Variants in ZNF154 observed in about 807,000 individuals in gnomAD.
ZNF154 encodes zinc finger protein 154 (pHZ-92).
In ZNF154, 6 loss-of-function variants were observed where a neutral mutation model predicts 7.5. The ratio of observed to expected loss-of-function variants is 0.80; its 90% CI spans 0.44 to 1.57. The LOEUF (loss-of-function observed/expected upper bound fraction) is 1.57. Ranked by LOEUF, ZNF154 falls within the 40% of genes most tolerant of loss-of-function variation. The pLI is 0.01. For synonymous variants in ZNF154, 187 were observed against 185.9 expected (o/e 1.01, Z -0.05); for missense variants, 485 against 531.4 (o/e 0.91, Z 0.86).
In ZNF154 at chr19:57,708,954, C is replaced by A; in HGVS notation, c.18G>T (p.Leu6=). The change falls in exon 1 of 3, where the codon CTG becomes CTT. Residue 6 remains leucine (L), a synonymous_variant. Coordinates refer to ENST00000684351, the MANE Select transcript of ZNF154 (RefSeq NM_001085384.3). MAAAT[L]RTPTQGTVTF... is the part of the protein sequence containing the mutation. ...CCGCACTCACCTGAGTTGGCGTCCT[C>A]AGAGTGGCCGCTGCCATCAGACTCT... The A allele has an allele frequency of 6.4e-7, 1 of 1,561,098 alleles. No individual in the cohort carries two copies. Among genetic ancestry groups the A allele is most frequent in the Non-Finnish European group, 8.7e-7 (1 of 1,153,192 alleles).
rs1405050776 is a variant in ZNF154 at position 57,708,936 on chromosome 19, C to CA, written c.33+2dup. The CA allele has an allele frequency of 6.4e-7, 1 of 1,561,078 alleles. No individual in the cohort carries two copies. Among genetic ancestry groups the CA allele is most frequent in the East Asian group, 2.4e-5 (1 of 41,478 alleles). On this transcript the variant is annotated splice_region_variant and intron_variant, in intron 1 of 2. Coordinates refer to ENST00000684351, the MANE Select transcript of ZNF154 (RefSeq NM_001085384.3). ...TGTGAGGACGGGAAGACGCCGCACT[C>CA]ACCTGAGTTGGCGTCCTCAGAGTGG...
Position 57,701,254 on chromosome 19 carries a change from G to C in ZNF154, c.*381C>G. 1 of 208,284 alleles carries C rather than the reference G, an allele frequency of 4.8e-6. No individual in the cohort carries two copies. Among genetic ancestry groups the C allele is most frequent in the Non-Finnish European group, 9.8e-6 (1 of 102,392 alleles). The allele number at this position is 208,284 out of a possible 1,614,324, so 12.9% of individuals were successfully genotyped here. Reference sequence around the variant, plus strand: ...TTCACTTACCTGAATACACTGGGATGGGTGAGTGGTGCACACTGGTGGTCA... The same window carrying C: ...TTCACTTACCTGAATACACTGGGATCGGTGAGTGGTGCACACTGGTGGTCA... On this transcript the variant is annotated 3_prime_UTR_variant, in exon 3 of 3. Coordinates refer to ENST00000684351, the MANE Select transcript of ZNF154 (RefSeq NM_001085384.3).
rs369139854 is a variant in ZNF154, at chr19:57,702,501, G to T, written c.448C>A (p.Gln150Lys). The T allele has an allele frequency of 6.2e-7, 1 of 1,614,220 alleles. No individual in the cohort carries two copies. The change falls in exon 3 of 3, where the codon CAG becomes AAG. Residue 150 changes from glutamine (Q) to lysine (K), a missense_variant. Coordinates refer to ENST00000684351, the MANE Select transcript of ZNF154 (RefSeq NM_001085384.3). ...TCTGTAGTGAGGGTTCTCTGCTGCT[G>T]AACAAGTGTGTGTTTACCGCTGAAT... Reference protein sequence around the residue: ...KAFSGKHTLVQQQRTLTTERC... With the variant: ...KAFSGKHTLVKQQRTLTTERC...
rs1985166583 is a variant in ZNF154 at position 57,701,949 on chromosome 19, A to AT, written c.999dup (p.Cys334MetfsTer6). On this transcript the variant is annotated frameshift_variant, in exon 3 of 3. Transcript: ENST00000684351. LOFTEE classifies it low-confidence loss of function (END_TRUNC). ...GACCTTTGGCTAAAGGATTTCCCACATTCGCTGCACTTATAAGGCCTTTCT... is the reference window on the plus strand; with the variant it reads ...GACCTTTGGCTAAAGGATTTCCCACATTTCGCTGCACTTATAAGGCCTTTCT... 6.2e-7 allele frequency: 1 copy of AT among 1,613,172 alleles called. No individual in the cohort carries two copies. The highest frequency in any genetic ancestry group is 1.7e-5 in the Admixed American group (1 of 59,896).
chr19:57,707,276 T>A (rs1170316810), intron 1 of ZNF154, among the ~76,000 whole-genome samples: 1 of 152,162 alleles, frequency 6.6e-6, no homozygotes, highest in Non-Finnish European at 1.5e-5. Context: ...CTACTTAATG[T>A]CTCTGAAACA....
At chr19:57,703,631 C>T (rs892243352) in intron 2 of ZNF154, among the ~76,000 whole-genome samples, 1 of 152,062 alleles carries the variant, frequency 6.6e-6, no homozygotes, top group Admixed American at 6.6e-5. Context: ...TATCTGCTGG[C>T]GACACATGAG....
In ZNF154 at chr19:57,700,354, C is replaced by G. The variant is rs1351265204; in HGVS notation, c.*1281G>C. 1 of 152,232 alleles carries G rather than the reference C, an allele frequency of 6.6e-6. No individual in the cohort carries two copies. Among genetic ancestry groups the G allele is most frequent in the African/African-American group, 2.4e-5 (1 of 41,458 alleles). The allele number at this position is 152,232 out of a possible 1,614,324, so 9.4% of individuals were successfully genotyped here. A position where few individuals can be genotyped will look rare whatever the true frequency, so the allele number is the denominator to read the frequency against. ...AAATTTCTGACAATGACCTCAGCTA[C>G]ACAAGATACACAATTCTGTAGGTCC... On this transcript the variant is annotated 3_prime_UTR_variant, in exon 3 of 3. Coordinates refer to ENST00000684351, the MANE Select transcript of ZNF154 (RefSeq NM_001085384.3).
At chr19:57,708,800 G>A in intron 1 of ZNF154, 139 bp downstream of exon 1, 1 of 1,157,546 alleles carries the variant, frequency 8.6e-7, no homozygotes, top group Non-Finnish European at 1.2e-6. Context: ...CACACGCAGT[G>A]TCAAAAAAAG....
Position 57,696,325 on chromosome 19 carries a change from T to C in ZNF154, c.*5310A>G, listed in dbSNP as rs572741918. Among the ~76,000 whole-genome samples, 13 of 152,220 alleles carry C rather than the reference T, an allele frequency of 8.5e-5. No homozygotes were observed. Among genetic ancestry groups the C allele is most frequent in the East Asian group, 1.9e-4 (1 of 5,162 alleles). ...TAAGAAGCCCCATTTCTCTTTCTCT[T>C]GTACCTTAAGACCTGCCTGGATCAG... is the stretch of plus-strand genomic sequence containing the variant. On this transcript the variant is annotated 3_prime_UTR_variant, in exon 3 of 3. Transcript: ENST00000684351.
At position 57,702,378 on chromosome 19, in the gene ZNF154, A is replaced by G; in HGVS notation, c.571T>C (p.Cys191Arg). ...CTAAAGGACTTCCCACACTCTCGACATTCATAAGGCTTTTCTCCAGTGTGA... is the reference window on the plus strand; with the variant it reads ...CTAAAGGACTTCCCACACTCTCGACGTTCATAAGGCTTTTCTCCAGTGTGA... ...RLHTGEKPYE[C>R]RECGKSFRQS... Residue 191 changes from cysteine (C) to arginine (R), a missense_variant, in exon 3 of 3, where the codon TGT becomes CGT. Physicochemically the swap from Cys to Arg is radical, Grantham distance 180. Coordinates refer to ENST00000684351, the MANE Select transcript of ZNF154 (RefSeq NM_001085384.3). 6.2e-7 allele frequency: 1 copy of G among 1,612,806 alleles called. No homozygotes were observed. The highest frequency in any genetic ancestry group is 8.5e-7 in the Non-Finnish European group (1 of 1,178,942).
Position 57,702,417 on chromosome 19 carries a change from C to G in ZNF154, c.532G>C (p.Asp178His). ...TCTCCAGTGTGAAGTCTCCAATGGT[C>G]ATTGAGACTGTAGCTTTTGCTAAAG... Reference protein sequence around the residue: ...KSFSKSYSLNDHWRLHTGEKP... With the variant: ...KSFSKSYSLNHHWRLHTGEKP... Residue 178 changes from aspartate (D) to histidine (H), a missense_variant, in exon 3 of 3, where the codon GAC (aspartate) becomes CAC (histidine). Asp to His is a moderately conservative substitution (Grantham distance 81). Coordinates refer to ENST00000684351, the MANE Select transcript of ZNF154 (RefSeq NM_001085384.3). 1 of 1,613,860 alleles carries G rather than the reference C, an allele frequency of 6.2e-7. No individual in the cohort carries two copies. The highest frequency in any genetic ancestry group is 8.5e-7 in the Non-Finnish European group (1 of 1,179,888).
At chr19:57,705,001 A>G in intron 1 of ZNF154, 22 bp from the exon 2 acceptor site, 1 of 1,594,326 alleles carries the variant, frequency 6.3e-7, no homozygotes, top group Non-Finnish European at 8.5e-7. Flanking sequence ...GGAACAGATG[A>G]AACCACCAAG....
chr19:57,705,044 C>G, intron 1 of ZNF154, 65 bp from the exon 2 acceptor site: 1 of 1,545,770 alleles, frequency 6.5e-7, no homozygotes, highest in African/African-American at 1.4e-5. Flanking sequence ...AATGCATACC[C>G]CCACATCTTT....
intron 2 of ZNF154, among the ~76,000 whole-genome samples, chr19:57,704,145 T>C (rs1985295572): frequency 6.6e-6 from 1 of 152,176 alleles, no homozygotes; most frequent in Non-Finnish European, 1.5e-5. Context: ...GGCTGGATGT[T>C]AAGAGCAGAA....
chr19:57,708,769 T>G (rs1035887021), intron 1 of ZNF154, among the ~76,000 whole-genome samples, 170 bp downstream of exon 1: 6 of 152,148 alleles, frequency 3.9e-5, no homozygotes, highest in Non-Finnish European at 7.3e-5. Flanking sequence ...CCTCCGCCTG[T>G]CACGCTCTCC....
chr19:57,701,732 AC>A lies in ZNF154; in HGVS notation c.1216del (p.Val406PhefsTer68), dbSNP rs868541565. On this transcript the variant is annotated frameshift_variant, in exon 3 of 3. Coordinates refer to ENST00000684351, the MANE Select transcript of ZNF154 (RefSeq NM_001085384.3). LOFTEE classifies it low-confidence loss of function (END_TRUNC). Reference sequence around the variant, plus strand: ...CTCATAAGGCTTCTCCCCAGTGTGAACCCTCCTGTGCTTAATGAGGCCGGAA... The same window carrying A: ...CTCATAAGGCTTCTCCCCAGTGTGAACCTCCTGTGCTTAATGAGGCCGGAA... ...QNSGLIKHRR[V>X]HTGEKPYECT... The A allele has an allele frequency of 1.2e-6, 2 of 1,613,856 alleles. No homozygotes were observed. The highest frequency in any genetic ancestry group is 1.7e-6 in the Non-Finnish European group (2 of 1,179,972).
chr19:57,709,035 C>T lies in ZNF154; in HGVS notation c.-64G>A, dbSNP rs895575621. 2 of 1,545,390 alleles carry T rather than the reference C, an allele frequency of 1.3e-6. No individual in the cohort carries two copies. The highest frequency in any genetic ancestry group is 2.0e-5 in the Admixed American group (1 of 50,984). ...GACATTGGTAGGGACCCGGGGACAG[C>T]GGTCCCTATCCCAGGCCTGACGTGG... On this transcript the variant is annotated 5_prime_UTR_variant, in exon 1 of 3. Transcript: ENST00000684351.
At chr19:57,703,484 CAAAAAAAAAAAAAAA>C (rs3062223) in intron 2 of ZNF154, among the ~76,000 whole-genome samples, 4 of 75,134 alleles carry the variant, frequency 5.3e-5, no homozygotes, top group South Asian at 5.9e-4. Flanking sequence ...GACTCCGTCT[CAAAAAAAAAAAAAAA>C]AAAAAAAAAG....
intron 1 of ZNF154, among the ~76,000 whole-genome samples, chr19:57,707,067 C>T (rs539038476): frequency 1.8e-4 from 27 of 146,900 alleles, no homozygotes; most frequent in South Asian, 1.7e-3. Flanking sequence ...GAGCCAAGCT[C>T]GCGCCATTGC....
Sources: gnomAD v4.1 joint callset for allele counts (sites outside exome capture counted in the v4.1 genomes callset) on GRCh38, gnomAD v4.1.1 for gene constraint, MANE v1.5 for transcripts, NCBI Gene and HGNC (gene_info 2026-07-23, HGNC 2026-07-21) for gene names.